The following KIAA0930 variants were observed in gnomAD, a reference collection of about 807,000 sequenced individuals.
KIAA0930 encodes the protein uncharacterized protein KIAA0930.
Under a neutral mutation model 43.9 loss-of-function variants are expected in KIAA0930, and 24 were observed. The ratio of observed to expected loss-of-function variants is 0.55; its 90% CI spans 0.40 to 0.77. The LOEUF is 0.77. KIAA0930 is among the 30% of genes least tolerant of loss of function. KIAA0930 has a pLI of 0.00. For synonymous variants in KIAA0930, 259 were observed against 216.4 expected (o/e 1.20, Z -1.73); for missense variants, 461 against 574.2 (o/e 0.80, Z 2.02).
At position 45,194,052 on chromosome 22, in the gene KIAA0930, C is replaced by CTTTTTTTTTTTTTTTTTTTTTTTTT. The variant is rs71190644; in HGVS notation, c.*3099_*3123dup. The CTTTTTTTTTTTTTTTTTTTTTTTTT allele has an allele frequency of 4.5e-5, 2 of 44,332 alleles. 1 individual carries two copies. The highest frequency in any genetic ancestry group is 1.8e-4 in the African/African-American group (2 of 11,024). 2.7% of individuals were successfully genotyped at this position (44,332 alleles called of 1,614,324 possible). A position where few individuals can be genotyped will look rare whatever the true frequency, so the allele number is the denominator to read the frequency against. On this transcript the variant is annotated 3_prime_UTR_variant, in exon 10 of 10. Coordinates refer to ENST00000336156, the MANE Select transcript of KIAA0930 (RefSeq NM_001009880.2). The stretch of plus-strand genomic sequence containing the variant: ...GGTTTGGGTTTAAAGACCAATGTAT[C>CTTTTTTTTTTTTTTTTTTTTTTTTT]TTTTTTTTTTTTTTTTTTTTTTTTT...
At chr22:45,198,610 G>C (rs1297044506) in intron 8 of KIAA0930, among the ~76,000 whole-genome samples, 1 of 152,210 alleles carries the variant, frequency 6.6e-6, no homozygotes, top group Admixed American at 6.5e-5. Context: ...TCCCTGCTGG[G>C]GGAGGTGCTC....
chr22:45,198,124 A>AC, intron 8 of KIAA0930, 176 bp from the exon 9 acceptor site: 1 of 597,472 alleles, frequency 1.7e-6, no homozygotes, highest in East Asian at 2.8e-5. Context: ...CGCCTGTAAC[A>AC]CCCCTCCCTG....
intron 8 of KIAA0930, among the ~76,000 whole-genome samples, chr22:45,199,352 G>A (rs1165220105): frequency 2.0e-5 from 3 of 152,188 alleles, no homozygotes; most frequent in Non-Finnish European, 2.9e-5. Context: ...CCAGGGGACA[G>A]GGGCACAGGA....
chr22:45,232,805 C>G (rs994862711), intron 1 of KIAA0930, among the ~76,000 whole-genome samples: 5 of 152,122 alleles, frequency 3.3e-5, no homozygotes, highest in Non-Finnish European at 5.9e-5. Flanking sequence ...GCTGGCCCAC[C>G]GCCTCTCCAT....
intron 1 of KIAA0930, among the ~76,000 whole-genome samples, chr22:45,228,745 C>T (rs1220803172): frequency 1.4e-4 from 9 of 63,698 alleles, no homozygotes; most frequent in East Asian, 8.4e-4. Context: ...CACCCCCCTA[C>T]CACCACTCAC....
intron 1 of KIAA0930, among the ~76,000 whole-genome samples, chr22:45,218,476 G>A (rs978401648): frequency 6.7e-6 from 1 of 150,110 alleles, no homozygotes; most frequent in East Asian, 2.0e-4. Context: ...GAGCCACTAC[G>A]CTCGGCCACC....
intron 1 of KIAA0930, among the ~76,000 whole-genome samples, chr22:45,227,132 G>A (rs1016308781): frequency 3.9e-5 from 6 of 152,306 alleles, no homozygotes; most frequent in Middle Eastern, 3.4e-3. Context: ...CCCAGCACCC[G>A]GCCCACGGCA....
intron 1 of KIAA0930, among the ~76,000 whole-genome samples, chr22:45,233,549 C>T (rs1345755660): frequency 1.3e-5 from 2 of 152,130 alleles, no homozygotes; most frequent in Non-Finnish European, 2.9e-5. Context: ...CACATCCAGT[C>T]AAAACACGCT....
At chr22:45,206,019 T>A (rs1253594939) in intron 2 of KIAA0930, 107 bp from the exon 3 acceptor site, 6 of 1,524,004 alleles carry the variant, frequency 3.9e-6, no homozygotes, top group Non-Finnish European at 5.3e-6. Flanking sequence ...CAATTCTTTT[T>A]TCTTACTATT....
rs369668484 is a variant in KIAA0930 at position 45,206,018 on chromosome 22, T to C, written c.217-106A>G. 522 of 1,524,124 alleles carry C rather than the reference T, an allele frequency of 3.4e-4. 4 individuals are homozygous for C. In the South Asian group the frequency reaches 4.8e-3, roughly 14 times the overall value. The allele number at this position is 1,524,124 out of a possible 1,614,324, so 94.4% of individuals were successfully genotyped here. A position where few individuals can be genotyped will look rare whatever the true frequency, so the allele number is the denominator to read the frequency against. On this transcript the variant is annotated intron_variant, in intron 2 of 9. Coordinates refer to ENST00000336156, the MANE Select transcript of KIAA0930 (RefSeq NM_001009880.2). ...CGATGGACAAGGACTCCAATTCTTT[T>C]TTCTTACTATTTTTTGAGACAGGGT...
At chr22:45,202,857 C>T (rs1252169650) in intron 7 of KIAA0930, 133 bp downstream of exon 7, 14 of 740,662 alleles carry the variant, frequency 1.9e-5, no homozygotes, top group Admixed American at 1.6e-4. Flanking sequence ...TCCGCACGCT[C>T]GGCACCTCGG....
intron 7 of KIAA0930, chr22:45,202,734 G>A (rs1381321165): frequency 1.9e-5 from 8 of 422,782 alleles, no homozygotes; most frequent in East Asian, 8.1e-5. Context: ...ACCAGCCTGC[G>A]GTGTGACCTT....
chr22:45,236,232 G>A (rs2083887617), intron 1 of KIAA0930: 1 of 152,382 alleles, frequency 6.6e-6, no homozygotes, highest in South Asian at 2.1e-4. Context: ...AAACGCGGCA[G>A]GTGTTAGGCA....
At chr22:45,213,252 C>G in intron 1 of KIAA0930, 1 of 1,217,596 alleles carries the variant, frequency 8.2e-7, no homozygotes, top group Non-Finnish European at 1.1e-6. Context: ...CCAGCCCCAG[C>G]CCTCGGCCCT....
intron 1 of KIAA0930, among the ~76,000 whole-genome samples, chr22:45,231,956 A>G (rs1013305990): frequency 7.2e-5 from 11 of 152,344 alleles, no homozygotes; most frequent in Middle Eastern, 3.4e-3. Flanking sequence ...GCGCCACTGC[A>G]CTACAGCCTG....
intron 1 of KIAA0930, among the ~76,000 whole-genome samples, chr22:45,218,479 C>T (rs1347754838): frequency 1.3e-5 from 2 of 151,634 alleles, no homozygotes; most frequent in South Asian, 2.1e-4. Context: ...CCACTACGCT[C>T]GGCCACCCTA....
intron 7 of KIAA0930, 131 bp downstream of exon 7, chr22:45,202,859 G>T: frequency 1.3e-6 from 1 of 756,634 alleles, no homozygotes; most frequent in Non-Finnish European, 2.0e-6. Flanking sequence ...CGCACGCTCG[G>T]CACCTCGGCC....
chr22:45,206,227 G>A (rs2083636795), intron 2 of KIAA0930, among the ~76,000 whole-genome samples: 1 of 152,144 alleles, frequency 6.6e-6, no homozygotes, highest in African/African-American at 2.4e-5. Context: ...ATGTTGTCCA[G>A]GCTGGTCTTG....
At chr22:45,226,063 C>G (rs1016700623) in intron 1 of KIAA0930, 20 of 358,024 alleles carry the variant, frequency 5.6e-5, no homozygotes, top group South Asian at 1.6e-4. Context: ...GTATCCACCA[C>G]AGAGAGCCAG....
Sources: allele counts gnomAD v4.1 joint callset (sites outside exome capture counted in the v4.1 genomes callset), GRCh38; gene constraint gnomAD v4.1.1; transcripts MANE v1.5; gene names NCBI Gene and HGNC (gene_info 2026-07-23, HGNC 2026-07-21).